The following ZNF827 variants were observed in gnomAD, a reference collection of about 807,000 sequenced individuals.
ZNF827 encodes zinc finger protein 827.
In ZNF827, 13 loss-of-function variants were observed where a neutral mutation model predicts 102.4. That is an observed-to-expected ratio of 0.13 (90% confidence interval 0.08 to 0.20). The LOEUF (loss-of-function observed/expected upper bound fraction) is 0.20, where lower values mean the gene tolerates loss of function less well. Among genes scored for constraint, ZNF827 ranks in the 10% least tolerant of loss-of-function variants. ZNF827 has a pLI of 1.00. For synonymous variants in ZNF827, 523 were observed against 536.2 expected (o/e 0.98, Z 0.34); for missense variants, 1,103 against 1,344.4 (o/e 0.82, Z 2.81).
intron 4 of ZNF827, among the ~76,000 whole-genome samples, chr4:145,880,050 T>TA (rs1232534004): frequency 6.6e-5 from 10 of 152,142 alleles, no homozygotes; most frequent in African/African-American, 2.2e-4. Context: ...GCCTGGCCAA[T>TA]ACGGTGAAAC....
At chr4:145,881,576 G>A (rs995723284) in intron 4 of ZNF827, among the ~76,000 whole-genome samples, 7 of 152,280 alleles carry the variant, frequency 4.6e-5, no homozygotes, top group Middle Eastern at 6.8e-3. Context: ...ATGTAAGGCC[G>A]TTGCTGCAGG....
At chr4:145,791,445 C>T (rs1186419813) in intron 8 of ZNF827, among the ~76,000 whole-genome samples, 1 of 152,072 alleles carries the variant, frequency 6.6e-6, no homozygotes, top group Non-Finnish European at 1.5e-5. Flanking sequence ...TTAGACCATA[C>T]CACTTTGTTA....
chr4:145,802,471 G>A (rs988414138), intron 8 of ZNF827, among the ~76,000 whole-genome samples: 4 of 152,200 alleles, frequency 2.6e-5, no homozygotes, highest in African/African-American at 9.7e-5. Context: ...AGCCTGTTCA[G>A]TCAAAACCAA....
chr4:145,816,934 A>G (rs1045239355), intron 8 of ZNF827, among the ~76,000 whole-genome samples: 1 of 152,224 alleles, frequency 6.6e-6, no homozygotes, highest in African/African-American at 2.4e-5. Flanking sequence ...AACTGTTGTC[A>G]TCATTATCAC....
Position 145,869,875 on chromosome 4 carries a change from C to T in ZNF827, c.1981+370G>A, listed in dbSNP as rs115105444. On this transcript the variant is annotated intron_variant, in intron 5 of 14. Transcript: ENST00000508784. Reference sequence around the variant, plus strand: ...GCTTAAAGAGTGTAGTATAAATACACACAAAATGCCAGGTCCTCTATTAGG... The same window carrying T: ...GCTTAAAGAGTGTAGTATAAATACATACAAAATGCCAGGTCCTCTATTAGG... Among the ~76,000 whole-genome samples the T allele has an allele frequency of 3.6e-3, 550 of 152,214 alleles. 2 individuals are homozygous for T. The highest frequency in any genetic ancestry group is 0.012 in the African/African-American group (509 of 41,542).
chr4:145,826,129 A>G (rs1743656080), intron 7 of ZNF827, among the ~76,000 whole-genome samples: 1 of 152,204 alleles, frequency 6.6e-6, no homozygotes, highest in South Asian at 2.1e-4. Flanking sequence ...GGAGATAGCA[A>G]GTGTGCTAGT....
intron 3 of ZNF827, among the ~76,000 whole-genome samples, chr4:145,891,760 G>A (rs536079808): frequency 1.3e-5 from 2 of 152,224 alleles, no homozygotes; most frequent in East Asian, 1.9e-4. Context: ...CCTCCTACAC[G>A]GTGTCTCTGT....
chr4:145,897,936 C>T (rs1287383856), intron 2 of ZNF827, among the ~76,000 whole-genome samples: 1 of 152,146 alleles, frequency 6.6e-6, no homozygotes, highest in Non-Finnish European at 1.5e-5. Flanking sequence ...GGGTGGATCA[C>T]TTGAGGCCAG....
chr4:145,885,700 A>G lies in ZNF827; in HGVS notation c.1725T>C (p.Ser575=). Residue 575 remains serine, a synonymous_variant, in exon 4 of 15, where the codon TCT becomes TCC. Transcript: ENST00000508784. ...TACCTGACAGCTTCATGAGAAAATC[A>G]GACGCCATCTTAACAGAGATGTCCT... ...FSQDISVKMA[S]DFLMKLSAAN... 6.5e-7 allele frequency: 1 copy of G among 1,534,386 alleles called. No homozygotes were observed. Among genetic ancestry groups the G allele is most frequent in the Non-Finnish European group, 8.7e-7 (1 of 1,143,078 alleles).
chr4:145,807,441 C>G (rs567299648), intron 8 of ZNF827, among the ~76,000 whole-genome samples: 23 of 151,854 alleles, frequency 1.5e-4, no homozygotes, highest in Non-Finnish European at 2.6e-4. Flanking sequence ...CATCATCACC[C>G]AAAGATAACT....
chr4:145,839,687 T>A (rs1745223329), intron 7 of ZNF827: 1 of 152,262 alleles, frequency 6.6e-6, no homozygotes, highest in African/African-American at 2.4e-5. Flanking sequence ...TCACCTACTT[T>A]TTGGTTATAT....
chr4:145,892,801 T>C (rs559640744), intron 2 of ZNF827, among the ~76,000 whole-genome samples: 2 of 152,384 alleles, frequency 1.3e-5, no homozygotes, highest in South Asian at 4.1e-4. Context: ...TGAAGGAAAC[T>C]GTCAGACTCA....
chr4:145,905,700 C>A (rs934916305), intron 1 of ZNF827, among the ~76,000 whole-genome samples: 1 of 152,152 alleles, frequency 6.6e-6, no homozygotes, highest in African/African-American at 2.4e-5. Context: ...GTTTCTTTGG[C>A]AAACCACCTT....
At chr4:145,871,772 C>A (rs1229171269) in intron 4 of ZNF827, among the ~76,000 whole-genome samples, 1 of 152,158 alleles carries the variant, frequency 6.6e-6, no homozygotes, top group African/African-American at 2.4e-5. Flanking sequence ...CATCTCATAC[C>A]CCTGTAAGAA....
chr4:145,827,982 G>T (rs1031351487), intron 7 of ZNF827, among the ~76,000 whole-genome samples: 3 of 152,198 alleles, frequency 2.0e-5, no homozygotes, highest in African/African-American at 7.2e-5. Flanking sequence ...AAGCACTTCA[G>T]TAAGGGGTGG....
intron 8 of ZNF827, among the ~76,000 whole-genome samples, chr4:145,800,393 G>A (rs1490562063): frequency 2.7e-5 from 4 of 150,012 alleles, no homozygotes; most frequent in Admixed American, 6.7e-5. Context: ...TCGCTCTGTC[G>A]CCAAGGCTGG....
chr4:145,936,181 C>T (rs866119092), intron 1 of ZNF827, among the ~76,000 whole-genome samples: 2 of 151,892 alleles, frequency 1.3e-5, no homozygotes, highest in African/African-American at 4.8e-5. Flanking sequence ...CCTCCCCCCA[C>T]ACGCCCCCGA....
rs544265437 is a variant in ZNF827, at chr4:145,909,361, G to A, written c.44-6146C>T. On this transcript the variant is annotated intron_variant, in intron 1 of 14. Transcript: ENST00000508784. The stretch of plus-strand genomic sequence containing the variant: ...GTTCCTGTACCAAACAATAAAAGGG[G>A]CACAATGGAGCCAGCATCAGATAGG... Among the ~76,000 whole-genome samples the A allele has an allele frequency of 3.3e-5, 5 of 152,288 alleles. No individual in the cohort carries two copies. In the East Asian group the frequency reaches 7.7e-4, roughly 24 times the overall value.
chr4:145,917,541 C>G (rs898533889), intron 1 of ZNF827, among the ~76,000 whole-genome samples: 20 of 151,956 alleles, frequency 1.3e-4, no homozygotes, highest in African/African-American at 4.6e-4. Context: ...AAGGCCCCAT[C>G]TCTCAACACT....
Sources: allele counts gnomAD v4.1 joint callset (sites outside exome capture counted in the v4.1 genomes callset), GRCh38; gene constraint gnomAD v4.1.1; transcripts MANE v1.5; gene names NCBI Gene and HGNC (gene_info 2026-07-23, HGNC 2026-07-21).